The following TEAD1 variants were observed in gnomAD, a reference collection of about 807,000 sequenced individuals.
The protein encoded by TEAD1 is TEA domain transcription factor 1, also known as transcriptional enhancer factor TEF-1.
In TEAD1, 9 loss-of-function variants were observed where a neutral mutation model predicts 54.9. The ratio of observed to expected loss-of-function variants is 0.16; its 90% CI spans 0.10 to 0.29. The LOEUF (loss-of-function observed/expected upper bound fraction) is 0.29, where lower values mean the gene tolerates loss of function less well. TEAD1 is among the 10% of genes least tolerant of loss of function. TEAD1 has a pLI of 1.00. For missense variants in TEAD1, 387 were observed against 535.9 expected (o/e 0.72, Z 2.74); for synonymous variants, 200 against 187.8 (o/e 1.07, Z -0.53).
rs552841060 is a variant in TEAD1, at chr11:12,930,045, C to T, written c.1015-129C>T. 2.3e-4 allele frequency: 225 copies of T among 975,290 alleles called. No individual in the cohort carries two copies. The African/African-American group carries it at 2.9e-3, about 13-fold the overall frequency. 60.4% of individuals were successfully genotyped at this position (975,290 alleles called of 1,614,324 possible). On this transcript the variant is annotated intron_variant, in intron 11 of 12. Coordinates refer to ENST00000527636, the MANE Select transcript of TEAD1 (RefSeq NM_021961.6). ...AGTTTTTTTTTAATTAAGTAGATTACGTAAGTAGTATAGCATATAGAAGAT... is the reference window on the plus strand; with the variant it reads ...AGTTTTTTTTTAATTAAGTAGATTATGTAAGTAGTATAGCATATAGAAGAT...
intron 9 of TEAD1, among the ~76,000 whole-genome samples, chr11:12,890,610 T>G (rs1410675943): frequency 6.6e-6 from 1 of 152,190 alleles, no homozygotes; most frequent in African/African-American, 2.4e-5. Context: ...GTAATATCCC[T>G]GAACATACTG....
chr11:12,736,366 G>A (rs924726940), intron 2 of TEAD1, among the ~76,000 whole-genome samples: 4 of 152,116 alleles, frequency 2.6e-5, no homozygotes, highest in African/African-American at 9.7e-5. Flanking sequence ...TACAGTAGTG[G>A]TGTATCTTAA....
intron 5 of TEAD1, among the ~76,000 whole-genome samples, chr11:12,878,596 G>C (rs554557554): frequency 6.6e-6 from 1 of 151,658 alleles, no homozygotes; most frequent in South Asian, 2.1e-4. Flanking sequence ...TCTGTCCTGG[G>C]GAAGCCACAG....
At chr11:12,699,517 G>A (rs533789276) in intron 2 of TEAD1, among the ~76,000 whole-genome samples, 10 of 152,268 alleles carry the variant, frequency 6.6e-5, no homozygotes, top group African/African-American at 2.2e-4. Flanking sequence ...AGTCATGCCA[G>A]CCTTTGCAAT....
At chr11:12,775,042 A>G (rs947452463) in intron 3 of TEAD1, among the ~76,000 whole-genome samples, 3 of 152,224 alleles carry the variant, frequency 2.0e-5, no homozygotes, top group Admixed American at 6.5e-5. Flanking sequence ...AGGAAGTTAT[A>G]TCATATTTTA....
chr11:12,883,063 A>G lies in TEAD1; in HGVS notation c.637A>G (p.Thr213Ala). 6.2e-7 allele frequency: 1 copy of G among 1,614,162 alleles called. No homozygotes were observed. Among genetic ancestry groups the G allele is most frequent in the Non-Finnish European group, 8.5e-7 (1 of 1,180,028 alleles). Residue 213 changes from threonine to alanine, a missense_variant, in exon 9 of 13, where the codon ACA (threonine) becomes GCA (alanine). Thr to Ala is a moderately conservative substitution (Grantham distance 58). Coordinates refer to ENST00000527636, the MANE Select transcript of TEAD1 (RefSeq NM_021961.6). ...TGCCTGGCAAGGTCGCTCCATTGGC[A>G]CAACCAAGCTTCGCCTGGTGGAATT...
chr11:12,727,107 G>C (rs1195005382), intron 2 of TEAD1, among the ~76,000 whole-genome samples: 1 of 152,000 alleles, frequency 6.6e-6, no homozygotes. Flanking sequence ...GGACGTGGTG[G>C]TGCACGCCTG....
chr11:12,937,014 G>C (rs938035152), intron 12 of TEAD1, 95 bp from the exon 13 acceptor site: 8 of 838,564 alleles, frequency 9.5e-6, no homozygotes, highest in African/African-American at 1.7e-5. Context: ...TTGGACTTAA[G>C]ACTTGTTCTT....
intron 3 of TEAD1, among the ~76,000 whole-genome samples, chr11:12,821,726 A>G (rs1484181854): frequency 6.6e-5 from 10 of 152,280 alleles, no homozygotes; most frequent in East Asian, 1.9e-4. Flanking sequence ...TTTGTAAACT[A>G]TTGATCAACA....
intron 2 of TEAD1, among the ~76,000 whole-genome samples, chr11:12,715,577 A>T (rs892538020): frequency 6.6e-6 from 1 of 152,228 alleles, no homozygotes. Flanking sequence ...GCTGCACGTG[A>T]TGCAGACGGG....
chr11:12,929,593 A>G (rs2134169167), intron 11 of TEAD1, among the ~76,000 whole-genome samples: 1 of 151,590 alleles, frequency 6.6e-6, no homozygotes, highest in East Asian at 1.9e-4. Context: ...TTTAGTTTAT[A>G]ATTTTCTTAA....
chr11:12,695,347 A>G (rs2133830165), intron 2 of TEAD1, among the ~76,000 whole-genome samples: 1 of 152,368 alleles, frequency 6.6e-6, no homozygotes, highest in East Asian at 1.9e-4. Context: ...TATTACTCTC[A>G]TTAACATGTA....
intron 2 of TEAD1, among the ~76,000 whole-genome samples, chr11:12,742,037 A>C (rs925308980): frequency 3.9e-5 from 6 of 152,102 alleles, no homozygotes; most frequent in South Asian, 2.1e-4. Context: ...GTTTCTTTTC[A>C]CCCACCATAG....
At chr11:12,847,716 C>G (rs922560700) in intron 3 of TEAD1, among the ~76,000 whole-genome samples, 3 of 152,130 alleles carry the variant, frequency 2.0e-5, no homozygotes, top group South Asian at 4.1e-4. Context: ...AGAGACGGGT[C>G]TTGCTCTGTT....
intron 5 of TEAD1, among the ~76,000 whole-genome samples, chr11:12,873,129 T>A (rs894030339): frequency 2.0e-5 from 3 of 152,202 alleles, no homozygotes; most frequent in African/African-American, 7.2e-5. Context: ...CTTTGCATTG[T>A]CTCCCTCCAC....
chr11:12,689,621 C>T (rs541586131), intron 2 of TEAD1, among the ~76,000 whole-genome samples: 4 of 152,290 alleles, frequency 2.6e-5, no homozygotes, highest in African/African-American at 4.8e-5. Flanking sequence ...CCAAGTACCT[C>T]TTCTGTAGCA....
intron 2 of TEAD1, among the ~76,000 whole-genome samples, chr11:12,727,249 T>A (rs1944331025): frequency 1.3e-5 from 2 of 152,040 alleles, no homozygotes; most frequent in Admixed American, 1.3e-4. Flanking sequence ...AAAAAATGAG[T>A]CTACTAGAAA....
At chr11:12,880,924 A>G in intron 6 of TEAD1, 81 bp from the exon 7 acceptor site, 11 of 1,485,782 alleles carry the variant, frequency 7.4e-6, no homozygotes, top group Non-Finnish European at 1.0e-5. Flanking sequence ...GTCTTTTAGC[A>G]GGGGTTGTGA....
intron 2 of TEAD1, among the ~76,000 whole-genome samples, chr11:12,718,707 C>T (rs1944118067): frequency 6.6e-6 from 1 of 151,612 alleles, no homozygotes; most frequent in South Asian, 2.1e-4. Flanking sequence ...TCTTTAATTA[C>T]ACTCTTGTCT....
Sources: allele counts gnomAD v4.1 joint callset (sites outside exome capture counted in the v4.1 genomes callset), GRCh38; gene constraint gnomAD v4.1.1; transcripts MANE v1.5; gene names NCBI Gene and HGNC (gene_info 2026-07-23, HGNC 2026-07-21).